Variants in KLF13 observed in about 807,000 individuals in gnomAD.
The protein encoded by KLF13 is KLF transcription factor 13.
In KLF13, 8 loss-of-function variants were observed where a neutral mutation model predicts 16.7. The ratio of observed to expected loss-of-function variants is 0.48; its 90% confidence interval spans 0.28 to 0.87. KLF13 has a LOEUF of 0.87. Among genes scored for constraint, KLF13 ranks in the 40% least tolerant of loss-of-function variants. The probability of loss-of-function intolerance (pLI) is 0.10; values close to 1 mark genes in which losing one functional copy is unlikely to be tolerated. For synonymous variants in KLF13, 245 were observed against 208.4 expected, an observed-to-expected ratio of 1.18 and a Z score of -1.51; for missense variants, 447 against 452.2, an observed-to-expected ratio of 0.99 and a Z score of 0.10.
intron 1 of KLF13, among the ~76,000 whole-genome samples, chr15:31,414,707 G>A (rs2040235337): frequency 6.6e-6 from 1 of 152,086 alleles, no homozygotes; most frequent in South Asian, 2.1e-4. Flanking sequence ...TAATAACAGA[G>A]CACCAATACA....
chr15:31,410,055 A>C (rs1452482118), intron 1 of KLF13, among the ~76,000 whole-genome samples: 1 of 152,092 alleles, frequency 6.6e-6, no homozygotes, highest in Non-Finnish European at 1.5e-5. Flanking sequence ...TCAGTGTATC[A>C]TGTGTTTATA....
At chr15:31,370,786 C>T (rs1010248040) in intron 1 of KLF13, among the ~76,000 whole-genome samples, 5 of 152,124 alleles carry the variant, frequency 3.3e-5, no homozygotes, top group Non-Finnish European at 7.3e-5. Flanking sequence ...ATCTCAAATT[C>T]CTCAGAGAAT....
chr15:31,366,980 T>C (rs1182926608), intron 1 of KLF13, among the ~76,000 whole-genome samples: 3 of 152,244 alleles, frequency 2.0e-5, no homozygotes, highest in Non-Finnish European at 4.4e-5. Flanking sequence ...CTGGAATGCG[T>C]GCTTGGGTTG....
At chr15:31,433,034 A>G (rs564970860) in intron 1 of KLF13, among the ~76,000 whole-genome samples, 1 of 152,274 alleles carries the variant, frequency 6.6e-6, no homozygotes, top group Admixed American at 6.5e-5. Context: ...ACAGAGCGAG[A>G]CTCTGCCTCA....
At chr15:31,425,116 A>G (rs191053084) in intron 1 of KLF13, among the ~76,000 whole-genome samples, 1 of 152,276 alleles carries the variant, frequency 6.6e-6, no homozygotes, top group Admixed American at 6.5e-5. Flanking sequence ...ACTACAAAAC[A>G]TTGCTGAAAG....
At chr15:31,357,835 G>A (rs988424393) in intron 1 of KLF13, among the ~76,000 whole-genome samples, 3 of 151,970 alleles carry the variant, frequency 2.0e-5, no homozygotes, top group Non-Finnish European at 4.4e-5. Context: ...AGAGACTCCC[G>A]AGCCTTTGTG....
In KLF13 at chr15:31,330,018, C is replaced by G. The variant is rs561128178; in HGVS notation, c.577+2229C>G. Among the ~76,000 whole-genome samples, 13 of 152,242 alleles carry G rather than the reference C, an allele frequency of 8.5e-5. No individual in the cohort carries two copies. The South Asian group carries it at 2.7e-3, about 32-fold the overall frequency. On this transcript the variant is annotated intron_variant, in intron 1 of 1. Transcript: ENST00000307145. ...CCAGAAACCTGCCTCTGGAGGGAGT[C>G]TGGTTCAGCATCTGGTGGAGGGCAC...
At chr15:31,330,915 C>T (rs995452738) in intron 1 of KLF13, among the ~76,000 whole-genome samples, 1 of 152,162 alleles carries the variant, frequency 6.6e-6, no homozygotes, top group Admixed American at 6.5e-5. Flanking sequence ...TTTCTTGGAA[C>T]CTGAGGTGCT....
intron 2 of KLF13, among the ~76,000 whole-genome samples, chr15:31,398,262 T>C (rs1260632786): frequency 6.6e-6 from 1 of 152,086 alleles, no homozygotes; most frequent in East Asian, 1.9e-4. Context: ...ACCATGGCCA[T>C]CACAGCAAGG....
chr15:31,348,650 C>G (rs561629984), intron 1 of KLF13, among the ~76,000 whole-genome samples: 124 of 152,064 alleles, frequency 8.2e-4, no homozygotes, highest in African/African-American at 2.9e-3. Flanking sequence ...GACTGCATCT[C>G]AGGCCGCAGT....
intron 1 of KLF13, among the ~76,000 whole-genome samples, chr15:31,328,384 A>C (rs1015442938): frequency 6.6e-6 from 1 of 151,672 alleles, no homozygotes; most frequent in South Asian, 2.1e-4. Context: ...GTCGTAACCA[A>C]AGTCAGCGGC....
chr15:31,363,446 T>G (rs2039418920), intron 1 of KLF13, among the ~76,000 whole-genome samples: 1 of 152,254 alleles, frequency 6.6e-6, no homozygotes, highest in South Asian at 2.1e-4. Flanking sequence ...ATGGTGACTT[T>G]GTTCATGGAG....
intron 1 of KLF13, among the ~76,000 whole-genome samples, chr15:31,337,934 C>T (rs1382959986): frequency 1.3e-5 from 2 of 152,164 alleles, no homozygotes; most frequent in African/African-American, 2.4e-5. Flanking sequence ...TCTGTGTCCC[C>T]TTTGCGGCTG....
exon 3 of KLF13, chr15:31,404,468 G>A (rs557143271): frequency 6.6e-6 from 1 of 152,324 alleles, no homozygotes; most frequent in Non-Finnish European, 1.5e-5. Context: ...CTAGCTAGAG[G>A]TTTCTAAAAT....
At chr15:31,415,723 T>G (rs931911042) in intron 1 of KLF13, among the ~76,000 whole-genome samples, 2 of 151,850 alleles carry the variant, frequency 1.3e-5, no homozygotes, top group Non-Finnish European at 2.9e-5. Flanking sequence ...ACCTTTCACC[T>G]TAAGAGACTG....
chr15:31,434,220 G>T (rs2141018020), intron 1 of KLF13, among the ~76,000 whole-genome samples: 1 of 152,302 alleles, frequency 6.6e-6, no homozygotes, highest in South Asian at 2.1e-4. Flanking sequence ...ATGAGGCTCA[G>T]AGAGGTAAGT....
At chr15:31,396,228 G>A (rs545057782) in intron 2 of KLF13, among the ~76,000 whole-genome samples, 1 of 152,224 alleles carries the variant, frequency 6.6e-6, no homozygotes, top group African/African-American at 2.4e-5. Flanking sequence ...TCTCTGTGTT[G>A]GTCAGGTTGC....
At chr15:31,337,081 C>T (rs894896178) in intron 1 of KLF13, among the ~76,000 whole-genome samples, 1 of 152,228 alleles carries the variant, frequency 6.6e-6, no homozygotes, top group African/African-American at 2.4e-5. Flanking sequence ...TTGTCCTCAC[C>T]TGCATGACTG....
chr15:31,362,967 C>G (rs1251361168), intron 1 of KLF13, among the ~76,000 whole-genome samples: 1 of 152,256 alleles, frequency 6.6e-6, no homozygotes, highest in Non-Finnish European at 1.5e-5. Flanking sequence ...GAGTTGTTTT[C>G]AGGTTCCTGC....
Sources: gnomAD v4.1 joint callset for allele counts (sites outside exome capture counted in the v4.1 genomes callset) on GRCh38, gnomAD v4.1.1 for gene constraint, MANE v1.5 for transcripts, NCBI Gene and HGNC (gene_info 2026-07-23, HGNC 2026-07-21) for gene names.